Variants in MUC5AC observed in about 807,000 individuals in gnomAD.
MUC5AC encodes mucin-5AC.
Under a neutral mutation model 169.7 loss-of-function variants are expected in MUC5AC, and 158 were observed. The observed-to-expected ratio is 0.93, with a 90% CI of 0.82 to 1.06. The LOEUF (loss-of-function observed/expected upper bound fraction) is 1.06, where lower values mean the gene tolerates loss of function less well. MUC5AC is among the 50% of genes least tolerant of loss of function. The pLI is 0.00. For synonymous variants in MUC5AC, 1,975 were observed against 1,237.0 expected, an observed-to-expected ratio of 1.60 and a Z score of -12.52; for missense variants, 4,359 against 3,089.9, an observed-to-expected ratio of 1.41 and a Z score of -9.74.
In MUC5AC at chr11:1,164,402, C is replaced by T. The variant is rs747057341; in HGVS notation, c.1004-5C>T. On this transcript the variant is annotated splice_polypyrimidine_tract_variant and splice_region_variant and intron_variant, in intron 8 of 48. Coordinates refer to ENST00000621226, the MANE Select transcript of MUC5AC (RefSeq NM_001304359.2). ...AGACGTGAGCCCTCTCTCTGCCTCC[C>T]GCAGCCCAGAAGTGCCCCAACAACA... is the stretch of plus-strand genomic sequence containing the variant. The T allele has an allele frequency of 1.8e-5, 29 of 1,612,098 alleles. No individual in the cohort carries two copies. Among genetic ancestry groups the T allele is most frequent in the African/African-American group, 4.0e-5 (3 of 74,926 alleles).
In MUC5AC at chr11:1,196,694, A is replaced by G. The variant is rs1861284252; in HGVS notation, c.15803A>G (p.Gln5268Arg). 1.4e-5 allele frequency: 11 copies of G among 760,676 alleles called. No homozygotes were observed. The East Asian group carries it at 2.7e-4, about 19-fold the overall frequency. 47.1% of individuals were successfully genotyped at this position (760,676 alleles called of 1,614,324 possible). A position where few individuals can be genotyped will look rare whatever the true frequency, so the allele number is the denominator to read the frequency against. The change falls in exon 39 of 49, where the codon CAA (glutamine) becomes CGA (arginine). Residue 5268 changes from glutamine to arginine, a missense_variant. Gln to Arg is a conservative substitution (Grantham distance 43, BLOSUM62 1). Transcript: ENST00000621226. Reference sequence around the variant, plus strand: ...ATGACCCTCTTCAGCACCAGTGCCCAAGTCTGCGTGCCCACGGGCTGCCCC... The same window carrying G: ...ATGACCCTCTTCAGCACCAGTGCCCGAGTCTGCGTGCCCACGGGCTGCCCC... ...EGMTLFSTSA[Q>R]VCVPTGCPRC...
At chr11:1,194,777 G>T in intron 35 of MUC5AC, 107 bp downstream of exon 35, 1 of 629,518 alleles carries the variant, frequency 1.6e-6, no homozygotes, top group Non-Finnish European at 2.8e-6. Flanking sequence ...CTGCTTTCTG[G>T]CTGCTCTGCT....
chr11:1,198,525 G>A (rs1050712615), intron 43 of MUC5AC, among the ~76,000 whole-genome samples: 3 of 152,142 alleles, frequency 2.0e-5, no homozygotes, highest in Admixed American at 6.5e-5. Flanking sequence ...GCTCCGGGGG[G>A]CTCCGGGGGA....
At chr11:1,194,009 G>A (rs1861192027) in intron 33 of MUC5AC, 101 bp from the exon 34 acceptor site, 5 of 696,962 alleles carry the variant, frequency 7.2e-6, no homozygotes, top group Admixed American at 1.9e-5. Context: ...GAGATGAGAC[G>A]GTGGGGGGTC....
rs574617773 is a variant in MUC5AC at position 1,163,108 on chromosome 11, C to T, written c.679+63C>T. 35 of 1,451,414 alleles carry T rather than the reference C, an allele frequency of 2.4e-5. No homozygotes were observed. In the African/African-American group the frequency reaches 4.3e-4, roughly 18 times the overall value. 89.9% of individuals were successfully genotyped at this position (1,451,414 alleles called of 1,614,324 possible). A position where few individuals can be genotyped will look rare whatever the true frequency, so the allele number is the denominator to read the frequency against. ...TCCCCTGGGGGCTCAGTGTTGTGTG[C>T]ACACACACCCTCTGACACTCCGGGC... On this transcript the variant is annotated intron_variant, in intron 6 of 48. Coordinates refer to ENST00000621226, the MANE Select transcript of MUC5AC (RefSeq NM_001304359.2).
At position 1,160,458 on chromosome 11, in the gene MUC5AC, C is replaced by A. The variant is rs1004936137; in HGVS notation, c.74-154C>A. On this transcript the variant is annotated intron_variant, in intron 1 of 48. Coordinates refer to ENST00000621226, the MANE Select transcript of MUC5AC (RefSeq NM_001304359.2). ...CACATGGACAGAGGCCTCCTAGGAC[C>A]CCCCCAACCCAGCACAGAGAGAGCC... 4.9e-4 allele frequency among the ~76,000 whole-genome samples: 12 copies of A among 24,270 alleles called. No individual in the cohort carries two copies. The East Asian group carries it at 0.016, about 32-fold the overall frequency. 15.9% of individuals were successfully genotyped at this position (24,270 alleles called of 152,430 possible).
chr11:1,193,896 T>C (rs911122746), intron 33 of MUC5AC, among the ~76,000 whole-genome samples: 8 of 152,240 alleles, frequency 5.3e-5, no homozygotes, highest in African/African-American at 1.9e-4. Context: ...TGGAGGAGTC[T>C]GTCCCTGCCT....
intron 15 of MUC5AC, among the ~76,000 whole-genome samples, chr11:1,170,952 TACTC>T (rs1243826780): frequency 5.8e-4 from 10 of 17,334 alleles, no homozygotes; most frequent in Non-Finnish European, 7.6e-4. Context: ...CCCACTCACC[TACTC>T]ACTCACCCAC....
intron 25 of MUC5AC, 86 bp from the exon 26 acceptor site, chr11:1,179,006 G>A (rs1056760975): frequency 1.1e-4 from 47 of 413,706 alleles, no homozygotes; most frequent in African/African-American, 8.1e-4. Flanking sequence ...ACTCGGCCCC[G>A]GTCAATGTGC....
chr11:1,199,026 C>T (rs1336923823), intron 44 of MUC5AC, 30 bp downstream of exon 44: 16 of 763,160 alleles, frequency 2.1e-5, no homozygotes, highest in Non-Finnish European at 3.6e-5. Flanking sequence ...CCCGACCCTG[C>T]CCTGGCTCTT....
Position 1,196,455 on chromosome 11 carries a change from G to A in MUC5AC, c.15705G>A (p.Gly5235=), listed in dbSNP as rs767906381. 1 of 764,918 alleles carries A rather than the reference G, an allele frequency of 1.3e-6. No individual in the cohort carries two copies. The highest frequency in any genetic ancestry group is 1.7e-5 in the African/African-American group (1 of 59,156). 47.4% of individuals were successfully genotyped at this position (764,918 alleles called of 1,614,324 possible). A position where few individuals can be genotyped will look rare whatever the true frequency, so the allele number is the denominator to read the frequency against. The part of the protein sequence containing the change: ...CGPSNPSYCY[G]NDSASLGALP... ...CGAGCAACCCCTCCTACTGCTACGG[G>A]AATGACAGCGCCAGCCTCGGGTAGG... The change falls in exon 38 of 49, where the codon GGG becomes GGA. Residue 5235 remains glycine, a synonymous_variant. Transcript: ENST00000621226.
chr11:1,169,817 CTCACCCAT>C (rs1860445757), intron 15 of MUC5AC, among the ~76,000 whole-genome samples: 2 of 144,840 alleles, frequency 1.4e-5, no homozygotes, highest in Non-Finnish European at 3.0e-5. Context: ...CACTCACCCA[CTCACCCAT>C]TCACCCACTC....
chr11:1,187,452 G>A lies in MUC5AC; in HGVS notation c.9307G>A (p.Ala3103Thr). ...GGCCCCAACAACCAGCACAACGTCT[G>A]CTCCTACAACCAGCACAACCTCTGC... ...ISAPTTSTTS[A>T]PTTSTTSAST... Residue 3103 changes from alanine (A) to threonine (T), a missense_variant, in exon 31 of 49, where the codon GCT becomes ACT. Coordinates refer to ENST00000621226, the MANE Select transcript of MUC5AC (RefSeq NM_001304359.2). 1.4e-6 allele frequency: 1 copy of A among 730,968 alleles called. No homozygotes were observed. Among genetic ancestry groups the A allele is most frequent in the South Asian group, 1.4e-5 (1 of 70,310 alleles). 45.3% of individuals were successfully genotyped at this position (730,968 alleles called of 1,614,324 possible). A position where few individuals can be genotyped will look rare whatever the true frequency, so the allele number is the denominator to read the frequency against.
Position 1,195,303 on chromosome 11 carries a change from G to A in MUC5AC, c.15458+24G>A, listed in dbSNP as rs2133774193. On this transcript the variant is annotated intron_variant, in intron 36 of 48. Transcript: ENST00000621226. ...AAGTGAGACTTGGGTGCAAGGGAGG[G>A]AGGGTCAGTGTGGCCGCCCCACCTC... is the stretch of plus-strand genomic sequence containing the variant. The A allele has an allele frequency of 2.7e-6, 2 of 752,056 alleles. 1 individual carries two copies. Among genetic ancestry groups the A allele is most frequent in the South Asian group, 2.7e-5 (2 of 74,396 alleles). 46.6% of individuals were successfully genotyped at this position (752,056 alleles called of 1,614,324 possible).
intron 15 of MUC5AC, among the ~76,000 whole-genome samples, chr11:1,172,119 G>A (rs1257575591): frequency 6.6e-6 from 1 of 152,286 alleles, no homozygotes; most frequent in Non-Finnish European, 1.5e-5. Context: ...GAAGGGCCTT[G>A]GTTTGTCTGT....
chr11:1,181,628 T>C (rs1292283068), intron 30 of MUC5AC, among the ~76,000 whole-genome samples, 169 bp downstream of exon 30: 2 of 152,092 alleles, frequency 1.3e-5, no homozygotes, highest in Admixed American at 6.5e-5. Flanking sequence ...GACCTGCTGT[T>C]TCCCCACCAG....
At chr11:1,162,889 G>C in intron 5 of MUC5AC, 66 bp from the exon 6 acceptor site, 1 of 1,489,752 alleles carries the variant, frequency 6.7e-7, no homozygotes, top group Non-Finnish European at 9.4e-7. Context: ...GGAAATCTCA[G>C]GCTCGAGCCT....
In MUC5AC at chr11:1,199,072, C is replaced by T. The variant is rs929081398; in HGVS notation, c.16297-15C>T. On this transcript the variant is annotated splice_polypyrimidine_tract_variant and intron_variant, in intron 44 of 48. Transcript: ENST00000621226. ...GGTCGCCTGGATTCCAGCCACATGTCCATCCCTCCCGCAGGGCTTCGAGTA... is the reference window on the plus strand; with the variant it reads ...GGTCGCCTGGATTCCAGCCACATGTTCATCCCTCCCGCAGGGCTTCGAGTA... 2 of 763,914 alleles carry T rather than the reference C, an allele frequency of 2.6e-6. No homozygotes were observed. The highest frequency in any genetic ancestry group is 3.4e-5 in the Admixed American group (2 of 58,856). The allele number at this position is 763,914 out of a possible 1,614,324, so 47.3% of individuals were successfully genotyped here. A position where few individuals can be genotyped will look rare whatever the true frequency, so the allele number is the denominator to read the frequency against.
intron 45 of MUC5AC, 23 bp downstream of exon 45, chr11:1,199,208 A>T: frequency 1.3e-6 from 1 of 751,272 alleles, no homozygotes; most frequent in South Asian, 1.4e-5. Context: ...TGCCACAAAG[A>T]GGAAGGGCAG....
Sources: gnomAD v4.1 joint callset for allele counts (sites outside exome capture counted in the v4.1 genomes callset) on GRCh38, gnomAD v4.1.1 for gene constraint, MANE v1.5 for transcripts, NCBI Gene and HGNC (gene_info 2026-07-23, HGNC 2026-07-21) for gene names.